Variants in PRAG1 observed in about 807,000 individuals in gnomAD.
The protein encoded by PRAG1 is PEAK1 related, kinase-activating pseudokinase 1.
Under a neutral mutation model 95.6 loss-of-function variants are expected in PRAG1, and 110 were observed. The observed-to-expected ratio is 1.15, with a 90% confidence interval of 0.99 to 1.35. PRAG1 has a LOEUF of 1.35. Ranked by LOEUF, PRAG1 falls within the 40% of genes most tolerant of loss-of-function variation. The probability of loss-of-function intolerance (pLI) is 0.00; values close to 1 mark genes in which losing one functional copy is unlikely to be tolerated. For synonymous variants in PRAG1, 1,052 were observed against 819.4 expected (o/e 1.28, Z -4.85); for missense variants, 2,554 against 1,864.7 (o/e 1.37, Z -6.81).
At chr8:8,338,854 T>C (rs1256708219) in intron 4 of PRAG1, among the ~76,000 whole-genome samples, 1 of 152,130 alleles carries the variant, frequency 6.6e-6, no homozygotes, top group Non-Finnish European at 1.5e-5. Context: ...ACACAAAGAA[T>C]GCTGAAAGGG....
Position 8,377,578 on chromosome 8 carries a change from G to A in PRAG1, c.831C>T (p.Gly277=), listed in dbSNP as rs777832305. Residue 277 remains glycine (G), a synonymous_variant, in exon 3 of 6, where the codon GGC becomes GGT. Coordinates refer to ENST00000615670, the MANE Select transcript of PRAG1 (RefSeq NM_001080826.3). ...KAASQTAGSR[G]RHGGRDCSPT... ...GTGAGCAGTCCCTGCCACCATGCCT[G>A]CCCCGGGAACCTGCAGTCTGGGAGG... The A allele has an allele frequency of 1.9e-6, 3 of 1,611,424 alleles. No homozygotes were observed. Among genetic ancestry groups the A allele is most frequent in the Middle Eastern group, 1.7e-4 (1 of 6,058 alleles).
chr8:8,377,293 A>G lies in PRAG1; in HGVS notation c.1116T>C (p.Pro372=). The G allele has an allele frequency of 6.2e-7, 1 of 1,612,740 alleles. No homozygotes were observed. Among genetic ancestry groups the G allele is most frequent in the Non-Finnish European group, 8.5e-7 (1 of 1,179,942 alleles). Residue 372 remains proline (P), a synonymous_variant, in exon 3 of 6, where the codon CCT becomes CCC. Transcript: ENST00000615670. ...ESDYCSLMKE[P]APEKQQDPGC... Reference sequence around the variant, plus strand: ...CAGGGTCCTGCTGCTTCTCTGGGGCAGGTTCCTTCATGAGGGAGCAGTAAT... The same window carrying G: ...CAGGGTCCTGCTGCTTCTCTGGGGCGGGTTCCTTCATGAGGGAGCAGTAAT...
chr8:8,319,278 T>C lies in PRAG1; in HGVS notation c.3097A>G (p.Thr1033Ala). The part of the protein sequence containing the change: ...VKICKAPEPK[T>A]VSYCSPSVPV... ...ACGGACGGGCTGCAGTAGGAGACTG[T>C]TTTGGGCTCAGGGGCTTTGCAGATC... Residue 1033 changes from threonine to alanine, a missense_variant, in exon 6 of 6, where the codon ACA (threonine) becomes GCA (alanine). Transcript: ENST00000615670. 6.6e-7 allele frequency: 1 copy of C among 1,519,616 alleles called. No individual in the cohort carries two copies. The highest frequency in any genetic ancestry group is 2.0e-5 in the Admixed American group (1 of 48,810). The allele number at this position is 1,519,616 out of a possible 1,614,324, so 94.1% of individuals were successfully genotyped here.
chr8:8,333,945 C>T (rs1025012400), intron 4 of PRAG1, among the ~76,000 whole-genome samples: 10 of 152,202 alleles, frequency 6.6e-5, no homozygotes, highest in African/African-American at 2.2e-4. Context: ...GGGCACCTTG[C>T]CAATATCACC....
chr8:8,374,255 G>T (rs1235089561), intron 3 of PRAG1, among the ~76,000 whole-genome samples: 1 of 152,246 alleles, frequency 6.6e-6, no homozygotes, highest in Non-Finnish European at 1.5e-5. Context: ...TGGAGACTCA[G>T]TCACAGTGAG....
At chr8:8,324,033 G>A (rs920189027) in intron 5 of PRAG1, among the ~76,000 whole-genome samples, 13 of 152,196 alleles carry the variant, frequency 8.5e-5, no homozygotes, top group Non-Finnish European at 1.6e-4. Context: ...TAGGGCCATT[G>A]TGAGGATCAG....
At chr8:8,349,633 C>A (rs1360853477) in intron 3 of PRAG1, among the ~76,000 whole-genome samples, 3 of 151,984 alleles carry the variant, frequency 2.0e-5, no homozygotes, top group African/African-American at 4.8e-5. Flanking sequence ...GCTAAGGGAG[C>A]TATTTTGCAA....
chr8:8,318,618 C>A lies in PRAG1; in HGVS notation c.3757G>T (p.Asp1253Tyr), dbSNP rs1488327773. Residue 1253 changes from aspartate to tyrosine, a missense_variant, in exon 6 of 6, where the codon GAT becomes TAT. Physicochemically the swap from Asp to Tyr is radical, Grantham distance 160. Coordinates refer to ENST00000615670, the MANE Select transcript of PRAG1 (RefSeq NM_001080826.3). This position sits in a 1 kb window ranked among gnomAD's most constrained non-coding sequence, Gnocchi z 4.2. ...IVSASQYRKF[D>Y]EFQTGILIYE... ...ATGAGGATGCCTGTCTGGAACTCAT[C>A]GAACTTGCGGTACTGGGAAGCAGAC... 7.4e-6 allele frequency: 12 copies of A among 1,612,784 alleles called. No homozygotes were observed. Among genetic ancestry groups the A allele is most frequent in the Non-Finnish European group, 1.0e-5 (12 of 1,179,826 alleles).
At chr8:8,379,523 G>C (rs1314102221) in intron 2 of PRAG1, among the ~76,000 whole-genome samples, 4 of 152,180 alleles carry the variant, frequency 2.6e-5, no homozygotes, top group African/African-American at 4.8e-5. Context: ...AAACAGAGCA[G>C]CCCGGAAGGG....
chr8:8,375,931 A>G (rs934368929), intron 3 of PRAG1, among the ~76,000 whole-genome samples: 4 of 152,172 alleles, frequency 2.6e-5, no homozygotes, highest in Admixed American at 2.6e-4. Flanking sequence ...GACACTTCAG[A>G]GAACTGGGGA....
intron 1 of PRAG1, among the ~76,000 whole-genome samples, chr8:8,385,607 T>C (rs561240275): frequency 5.9e-4 from 90 of 152,314 alleles, no homozygotes; most frequent in African/African-American, 1.9e-3. Flanking sequence ...CCCTAGACCA[T>C]TGGGCTTTGC....
Position 8,328,166 on chromosome 8 carries a change from G to A in PRAG1, c.2616C>T (p.His872=), listed in dbSNP as rs749348322. 1.2e-6 allele frequency: 2 copies of A among 1,614,222 alleles called. No individual in the cohort carries two copies. Among genetic ancestry groups the A allele is most frequent in the Admixed American group, 1.7e-5 (1 of 60,030 alleles). The change falls in exon 5 of 6, where the codon CAC becomes CAT. Residue 872 remains histidine (H), a synonymous_variant. Transcript: ENST00000615670. Reference sequence around the variant, plus strand: ...GATCGGAAGAGGAGAAGACAGGATGGTGGCGGTTCCCGGGGCTCAACGAAT... The same window carrying A: ...GATCGGAAGAGGAGAAGACAGGATGATGGCGGTTCCCGGGGCTCAACGAAT... The part of the protein sequence containing the change: ...FSYSLSPGNR[H]HPVFSSSDPL...
At chr8:8,334,128 T>C (rs1046819067) in intron 4 of PRAG1, among the ~76,000 whole-genome samples, 14 of 152,118 alleles carry the variant, frequency 9.2e-5, no homozygotes, top group African/African-American at 3.4e-4. Context: ...CAACATGAAA[T>C]GTAGAAGAAA....
At chr8:8,381,339 C>T (rs1800636052) in intron 2 of PRAG1, 79 bp downstream of exon 2, 5 of 1,434,716 alleles carry the variant, frequency 3.5e-6, no homozygotes, top group Non-Finnish European at 4.7e-6. Flanking sequence ...GAACAGCCCT[C>T]CCTGGCTGCC....
At chr8:8,332,831 C>G (rs1798866596) in intron 4 of PRAG1, among the ~76,000 whole-genome samples, 2 of 152,314 alleles carry the variant, frequency 1.3e-5, no homozygotes, top group South Asian at 4.1e-4. Context: ...ATTCTCTTGA[C>G]TCTTACCTGG....
At chr8:8,366,023 C>T (rs1799991320) in intron 3 of PRAG1, among the ~76,000 whole-genome samples, 1 of 151,912 alleles carries the variant, frequency 6.6e-6, no homozygotes, top group African/African-American at 2.4e-5. Flanking sequence ...TAAGTGAAAA[C>T]ACATTGCTTA....
At chr8:8,325,054 C>T (rs994023869) in intron 5 of PRAG1, among the ~76,000 whole-genome samples, 8 of 152,192 alleles carry the variant, frequency 5.3e-5, no homozygotes, top group African/African-American at 1.9e-4. Context: ...TGCCGGCTCC[C>T]TGTTTAACAT....
intron 3 of PRAG1, among the ~76,000 whole-genome samples, chr8:8,345,048 TGTG>T (rs1799287879): frequency 1.8e-5 from 1 of 56,942 alleles, no homozygotes; most frequent in Non-Finnish European, 3.4e-5. Context: ...ATCCGCAGGG[TGTG>T]TGTGTGTGTG....
At position 8,318,670 on chromosome 8, in the gene PRAG1, G is replaced by T; in HGVS notation, c.3705C>A (p.Ser1235Arg). The T allele has an allele frequency of 1.2e-6, 2 of 1,611,550 alleles. No homozygotes were observed. The highest frequency in any genetic ancestry group is 1.1e-5 in the South Asian group (1 of 91,056). The stretch of plus-strand genomic sequence containing the variant: ...CGATCTCGGGGGCCAGCCGGGCCTG[G>T]CTCTTCTTCTGCTGCAGGTTTGGGG... ...GGTPNLQQKK[S>R]QARLAPEIVS... Residue 1235 changes from serine to arginine, a missense_variant, in exon 6 of 6, where the codon AGC (serine) becomes AGA (arginine). Transcript: ENST00000615670. This position sits in a 1 kb window ranked among gnomAD's most constrained non-coding sequence, Gnocchi z 4.2.
Sources: gnomAD v4.1 joint callset for allele counts (sites outside exome capture counted in the v4.1 genomes callset) on GRCh38, gnomAD v4.1.1 for gene constraint, Gnocchi (gnomAD v3.1) non-coding constraint, MANE v1.5 for transcripts, NCBI Gene and HGNC (gene_info 2026-07-23, HGNC 2026-07-21) for gene names.